Variants in FRMD5 observed in about 807,000 individuals in gnomAD.
FRMD5 encodes the protein FERM domain containing 5, also known as FERM domain-containing protein 5.
In FRMD5, 20 loss-of-function variants were observed where a neutral mutation model predicts 69.0. That is an observed-to-expected ratio of 0.29 (90% confidence interval 0.20 to 0.42). FRMD5 has a LOEUF of 0.42. Among genes scored for constraint, FRMD5 ranks in the 10% least tolerant of loss-of-function variants. The pLI, the probability that FRMD5 is intolerant of heterozygous loss-of-function variation, is 1.00. For synonymous variants in FRMD5, 271 were observed against 260.1 expected (o/e 1.04, Z -0.40); for missense variants, 595 against 708.6 (o/e 0.84, Z 1.82).
intron 1 of FRMD5, among the ~76,000 whole-genome samples, chr15:43,953,564 C>G (rs1357354953): frequency 1.3e-5 from 2 of 152,208 alleles, no homozygotes; most frequent in Admixed American, 6.5e-5. Context: ...CAGACCATAT[C>G]GCTCACTAAG....
chr15:44,156,164 G>A (rs1383914310), intron 1 of FRMD5, among the ~76,000 whole-genome samples: 1 of 151,416 alleles, frequency 6.6e-6, no homozygotes, highest in African/African-American at 2.4e-5. Flanking sequence ...TTTTTTTTGA[G>A]ACAGAGTCTC....
chr15:43,876,675 T>C (rs2088367804), intron 13 of FRMD5, among the ~76,000 whole-genome samples: 1 of 152,206 alleles, frequency 6.6e-6, no homozygotes, highest in Non-Finnish European at 1.5e-5. Flanking sequence ...CTCAGTCTCT[T>C]CAGCCTCCGT....
chr15:44,076,286 G>T (rs1209403500), intron 1 of FRMD5, among the ~76,000 whole-genome samples: 2 of 151,696 alleles, frequency 1.3e-5, no homozygotes, highest in African/African-American at 4.9e-5. Flanking sequence ...CATACCCAAA[G>T]GACTATAAAT....
chr15:43,922,165 C>T (rs1320690674), intron 2 of FRMD5, among the ~76,000 whole-genome samples: 1 of 152,220 alleles, frequency 6.6e-6, no homozygotes, highest in Non-Finnish European at 1.5e-5. Context: ...ATCAGTTATA[C>T]ATTCAGCATG....
chr15:43,901,117 G>A (rs2089035808), intron 7 of FRMD5, among the ~76,000 whole-genome samples: 1 of 152,244 alleles, frequency 6.6e-6, no homozygotes, highest in Admixed American at 6.5e-5. Flanking sequence ...ATGTACAGAG[G>A]GAAGAAAGCG....
chr15:43,939,895 A>G (rs1479856976), intron 1 of FRMD5, among the ~76,000 whole-genome samples: 2 of 152,174 alleles, frequency 1.3e-5, no homozygotes, highest in Non-Finnish European at 2.9e-5. Context: ...AGATGCTTAG[A>G]AAAGCACCAG....
At chr15:44,099,103 T>C (rs959270017) in intron 1 of FRMD5, among the ~76,000 whole-genome samples, 2 of 152,226 alleles carry the variant, frequency 1.3e-5, no homozygotes, top group Non-Finnish European at 2.9e-5. Flanking sequence ...CACCTTCACA[T>C]ATAAACACCT....
At chr15:43,969,109 A>G (rs2090338137) in intron 1 of FRMD5, among the ~76,000 whole-genome samples, 1 of 146,932 alleles carries the variant, frequency 6.8e-6, no homozygotes, top group Non-Finnish European at 1.5e-5. Flanking sequence ...TTTTTTGGAG[A>G]CAGGATCTTG....
At chr15:44,181,255 G>A (rs1380934535) in intron 1 of FRMD5, among the ~76,000 whole-genome samples, 1 of 151,824 alleles carries the variant, frequency 6.6e-6, no homozygotes, top group East Asian at 1.9e-4. Flanking sequence ...TGTTGCCCAG[G>A]CTGGTCTCAA....
chr15:44,023,713 A>G (rs1053821106), intron 1 of FRMD5, among the ~76,000 whole-genome samples: 6 of 152,122 alleles, frequency 3.9e-5, no homozygotes, highest in African/African-American at 1.4e-4. Flanking sequence ...GCAAACACTA[A>G]AGTCTTCAGT....
At chr15:44,006,275 G>T (rs1009376859) in intron 1 of FRMD5, among the ~76,000 whole-genome samples, 3 of 152,112 alleles carry the variant, frequency 2.0e-5, no homozygotes, top group African/African-American at 7.2e-5. Context: ...ATGGTTTACA[G>T]AATATTTTCA....
chr15:44,025,037 T>C (rs1891370054), intron 1 of FRMD5, among the ~76,000 whole-genome samples: 1 of 152,192 alleles, frequency 6.6e-6, no homozygotes, highest in Non-Finnish European at 1.5e-5. Flanking sequence ...TCAAGCTCTT[T>C]CAGCCTCAAC....
chr15:44,011,363 A>G (rs537089889), intron 1 of FRMD5, among the ~76,000 whole-genome samples: 3 of 152,310 alleles, frequency 2.0e-5, no homozygotes, highest in Admixed American at 2.0e-4. Context: ...GATATAAATC[A>G]ACAGGTCCAG....
intron 1 of FRMD5, among the ~76,000 whole-genome samples, chr15:44,053,730 G>A (rs184306387): frequency 4.8e-4 from 73 of 152,266 alleles, no homozygotes; most frequent in Middle Eastern, 3.4e-3. Flanking sequence ...GTCCACGAGC[G>A]CAGTTCATTC....
chr15:44,195,292 C>T, upstream of FRMD5: 2 of 497,430 alleles, frequency 4.0e-6, no homozygotes, highest in South Asian at 5.2e-5. Flanking sequence ...CGCCCCAGTG[C>T]CCGTGCCCAG....
intron 13 of FRMD5, among the ~76,000 whole-genome samples, chr15:43,882,162 G>A (rs1313398347): frequency 6.6e-6 from 1 of 152,180 alleles, no homozygotes; most frequent in Non-Finnish European, 1.5e-5. Flanking sequence ...TATTCCAAGA[G>A]CGCCTCCTAA....
intron 1 of FRMD5, among the ~76,000 whole-genome samples, chr15:44,040,685 C>T (rs1892147047): frequency 6.6e-6 from 1 of 152,068 alleles, no homozygotes; most frequent in South Asian, 2.1e-4. Flanking sequence ...TGGAAAGGAA[C>T]AACCAGTACC....
chr15:43,932,016 C>G (rs1025903150), intron 1 of FRMD5, among the ~76,000 whole-genome samples: 1 of 152,168 alleles, frequency 6.6e-6, no homozygotes, highest in Non-Finnish European at 1.5e-5. Context: ...TCAGACCCAT[C>G]CCTTAATGTA....
At position 44,041,742 on chromosome 15, in the gene FRMD5, GAC is replaced by G. The variant is rs762771888; in HGVS notation, c.103-117435_103-117434del. On this transcript the variant is annotated intron_variant, in intron 1 of 13. Transcript: ENST00000417257. ...GTTCTTTGAAACGAATGAGAACAAA[GAC>G]ACAACGTACCAGAATCTCTGTGACA... is the stretch of plus-strand genomic sequence containing the variant. Among the ~76,000 whole-genome samples, 53 of 152,288 alleles carry G rather than the reference GAC, an allele frequency of 3.5e-4. 1 individual carries two copies. In the South Asian group the frequency reaches 8.9e-3, roughly 26 times the overall value.
Sources: allele counts gnomAD v4.1 joint callset (sites outside exome capture counted in the v4.1 genomes callset), GRCh38; gene constraint gnomAD v4.1.1; transcripts MANE v1.5; gene names NCBI Gene and HGNC (gene_info 2026-07-23, HGNC 2026-07-21).